Variants in DNAJC27 observed in about 807,000 individuals in gnomAD.
DNAJC27 encodes the protein DnaJ heat shock protein family (Hsp40) member C27, also known as dnaJ homolog subfamily C member 27.
DNAJC27 carries 25 observed loss-of-function variants against 31.4 expected under a neutral mutation model. That is an observed-to-expected ratio of 0.80 (90% confidence interval 0.58 to 1.11). DNAJC27 has a LOEUF of 1.11. Ranked by LOEUF, DNAJC27 falls within the 50% of genes most tolerant of loss-of-function variation. DNAJC27 has a pLI of 0.00. For synonymous variants in DNAJC27, 106 were observed against 112.7 expected (o/e 0.94, Z 0.37); for missense variants, 356 against 347.3 (o/e 1.02, Z -0.20).
chr2:24,947,930 A>ATGTAATATAT (rs1294107099), intron 6 of DNAJC27, among the ~76,000 whole-genome samples, 182 bp from the exon 7 acceptor site: 10 of 152,266 alleles, frequency 6.6e-5, no homozygotes, highest in African/African-American at 2.4e-4. Flanking sequence ...TGTAATATAT[A>ATGTAATATAT]ACACAAATTG....
At chr2:24,965,554 C>A (rs955345963) in intron 2 of DNAJC27, among the ~76,000 whole-genome samples, 1 of 152,140 alleles carries the variant, frequency 6.6e-6, no homozygotes, top group Non-Finnish European at 1.5e-5. Context: ...CCGTGCCAAG[C>A]CAGAAATGTG....
chr2:24,954,107 C>G (rs1167602496), intron 5 of DNAJC27, among the ~76,000 whole-genome samples: 1 of 152,148 alleles, frequency 6.6e-6, no homozygotes, highest in East Asian at 1.9e-4. Context: ...CTCTGCAGAG[C>G]AGGCCATTGG....
At chr2:24,966,559 A>T (rs890910303) in intron 2 of DNAJC27, among the ~76,000 whole-genome samples, 4 of 152,044 alleles carry the variant, frequency 2.6e-5, no homozygotes, top group African/African-American at 9.7e-5. Context: ...CCCGGGTTCA[A>T]GTGATTCTCC....
intron 6 of DNAJC27, among the ~76,000 whole-genome samples, chr2:24,950,254 C>T (rs760241379): frequency 1.2e-4 from 18 of 152,074 alleles, no homozygotes; most frequent in Admixed American, 5.2e-4. Context: ...CTTGAAGATA[C>T]GCTGTGAGGT....
intron 6 of DNAJC27, among the ~76,000 whole-genome samples, 166 bp downstream of exon 6, chr2:24,951,228 G>T (rs1401413599): frequency 1.3e-5 from 2 of 152,182 alleles, no homozygotes; most frequent in East Asian, 1.9e-4. Flanking sequence ...CCTCTATTTT[G>T]TCTCTTTGGT....
At chr2:24,953,309 G>T (rs1665827417) in intron 5 of DNAJC27, among the ~76,000 whole-genome samples, 1 of 151,754 alleles carries the variant, frequency 6.6e-6, no homozygotes, top group Admixed American at 6.6e-5. Flanking sequence ...AATCAACTTG[G>T]TAACCTAACA....
chr2:24,957,202 C>T (rs1410497805), intron 4 of DNAJC27, 37 bp from the exon 5 acceptor site: 2 of 1,553,532 alleles, frequency 1.3e-6, no homozygotes, highest in Non-Finnish European at 8.7e-7. Flanking sequence ...GAGAAGATTA[C>T]AATCTTGTCC....
At chr2:24,967,421 C>A in intron 1 of DNAJC27, 128 bp from the exon 2 acceptor site, 1 of 750,038 alleles carries the variant, frequency 1.3e-6, no homozygotes, top group East Asian at 2.8e-5. Flanking sequence ...ACAAAAGTGG[C>A]GGGGCGCGGT....
In DNAJC27 at chr2:24,971,816, A is replaced by T. The variant is rs754816370; in HGVS notation, c.87+2T>A. The T allele has an allele frequency of 3.2e-5, 52 of 1,606,500 alleles. No individual in the cohort carries two copies. Among genetic ancestry groups the T allele is most frequent in the Non-Finnish European group, 4.3e-5 (51 of 1,177,388 alleles). ...CCGCCCCTCCCGGCTCGCTGTACTC[A>T]CTTTCCCCACTTCGGCGTTGCCCAT... On this transcript the variant is annotated splice_donor_variant, in intron 1 of 6. Transcript: ENST00000264711. LOFTEE classifies it high-confidence loss of function.
At chr2:24,952,183 G>A (rs1214293088) in intron 5 of DNAJC27, among the ~76,000 whole-genome samples, 1 of 152,102 alleles carries the variant, frequency 6.6e-6, no homozygotes, top group African/African-American at 2.4e-5. Flanking sequence ...AAATAGTAAA[G>A]AAAAGTGTAA....
chr2:24,948,255 G>A (rs1321088088), intron 6 of DNAJC27, among the ~76,000 whole-genome samples: 1 of 152,108 alleles, frequency 6.6e-6, no homozygotes, highest in Non-Finnish European at 1.5e-5. Flanking sequence ...GTGTGTGCTG[G>A]GAAAACTGTT....
intron 1 of DNAJC27, among the ~76,000 whole-genome samples, chr2:24,970,923 T>G (rs1666318421): frequency 6.6e-6 from 1 of 152,308 alleles, no homozygotes; most frequent in Middle Eastern, 3.4e-3. Context: ...TGCCAGGCAC[T>G]GGACTAGGCA....
intron 6 of DNAJC27, among the ~76,000 whole-genome samples, chr2:24,951,051 T>C (rs1433502947): frequency 6.6e-6 from 1 of 152,208 alleles, no homozygotes; most frequent in African/African-American, 2.4e-5. Context: ...GTTTGACAAG[T>C]TGATTGCCAA....
At chr2:24,965,200 C>T (rs949660316) in intron 2 of DNAJC27, among the ~76,000 whole-genome samples, 5 of 149,884 alleles carry the variant, frequency 3.3e-5, no homozygotes, top group African/African-American at 7.4e-5. Flanking sequence ...CCAGCCTGAG[C>T]GACAAGAGCG....
rs77483992 is a variant in DNAJC27 at position 24,957,024 on chromosome 2, C to T, written c.528+19G>A. 136,943 of 1,598,200 alleles carry T rather than the reference C, an allele frequency of 0.086. 6,641 individuals carry two copies. The highest frequency in any genetic ancestry group is 0.095 in the South Asian group (8,305 of 87,658). On this transcript the variant is annotated intron_variant, in intron 5 of 6. Coordinates refer to ENST00000264711, the MANE Select transcript of DNAJC27 (RefSeq NM_016544.3). ...AGTGGCCTTGACACAAACCTTAAAA[C>T]AACAAAATGCTAGCTTACCTGGAAC...
rs186803381 is a variant in DNAJC27 at position 24,954,952 on chromosome 2, A to C, written c.528+2091T>G. Among the ~76,000 whole-genome samples, 32 of 152,296 alleles carry C rather than the reference A, an allele frequency of 2.1e-4. 1 individual carries two copies. Among genetic ancestry groups the C allele is most frequent in the Admixed American group, 2.0e-4 (3 of 15,294 alleles). On this transcript the variant is annotated intron_variant, in intron 5 of 6. Transcript: ENST00000264711. ...CTCCGTCTCAAAAAAAGAAAAAAAA[A>C]CCAACGGTCTTCTGAGGAAGATAAA...
intron 3 of DNAJC27, among the ~76,000 whole-genome samples, chr2:24,960,416 T>C (rs1013180063): frequency 6.6e-6 from 1 of 152,166 alleles, no homozygotes; most frequent in Non-Finnish European, 1.5e-5. Context: ...TTAATAACAA[T>C]ACAACGGCCT....
chr2:24,957,971 G>C lies in DNAJC27; in HGVS notation c.244C>G (p.Arg82Gly). 1 of 1,608,938 alleles carries C rather than the reference G, an allele frequency of 6.2e-7. No homozygotes were observed. The highest frequency in any genetic ancestry group is 8.5e-7 in the Non-Finnish European group (1 of 1,177,926). ...MAGHPFFYEV[R>G]NEFYKDTQGV... ...TGTGTGTCCTTGTAAAACTCATTTCGAACCTTCAAATAAAAGGACAGATAC... is the reference window on the plus strand; with the variant it reads ...TGTGTGTCCTTGTAAAACTCATTTCCAACCTTCAAATAAAAGGACAGATAC... The change falls in exon 4 of 7, where the codon CGA (arginine) becomes GGA (glycine). Residue 82 changes from arginine to glycine, a missense_variant. By Grantham distance (125) the Arg-to-Gly change is moderately radical. Coordinates refer to ENST00000264711, the MANE Select transcript of DNAJC27 (RefSeq NM_016544.3).
At chr2:24,963,170 G>A (rs1327472931) in intron 3 of DNAJC27, 2 of 429,136 alleles carry the variant, frequency 4.7e-6, no homozygotes, top group East Asian at 3.5e-5. Context: ...AAGTCAAAAT[G>A]TCTTATTGAA....
Sources: gnomAD v4.1 joint callset for allele counts (sites outside exome capture counted in the v4.1 genomes callset) on GRCh38, gnomAD v4.1.1 for gene constraint, MANE v1.5 for transcripts, NCBI Gene and HGNC (gene_info 2026-07-23, HGNC 2026-07-21) for gene names.